AKT2: variants seen among roughly 807,000 people sequenced by gnomAD.
The protein encoded by AKT2 is RAC-beta serine/threonine-protein kinase.
AKT2 carries 16 observed loss-of-function variants against 58.6 expected under a neutral mutation model. That is an observed-to-expected ratio of 0.27 (90% CI 0.18 to 0.41). The LOEUF is 0.41. Ranked by LOEUF, AKT2 falls within the 10% of genes least tolerant of loss-of-function variation. The pLI is 1.00. For synonymous variants in AKT2, 253 were observed against 254.0 expected, an observed-to-expected ratio of 1.00 and a Z score of 0.04; for missense variants, 438 against 661.0, an observed-to-expected ratio of 0.66 and a Z score of 3.70.
chr19:40,259,363 T>C (rs192442006), intron 2 of AKT2, among the ~76,000 whole-genome samples: 4 of 152,278 alleles, frequency 2.6e-5, no homozygotes, highest in East Asian at 3.9e-4. Context: ...CAACTGGATA[T>C]CCACATTCAA....
At chr19:40,246,088 CAA>C (rs34293653) in intron 4 of AKT2, among the ~76,000 whole-genome samples, 24 of 87,088 alleles carry the variant, frequency 2.8e-4, no homozygotes, top group South Asian at 4.3e-4. Context: ...TCCTGTTTTT[CAA>C]AAAAAAAAAA....
At chr19:40,246,969 C>T (rs1344550272) in intron 4 of AKT2, among the ~76,000 whole-genome samples, 1 of 152,244 alleles carries the variant, frequency 6.6e-6, no homozygotes, top group Non-Finnish European at 1.5e-5. Flanking sequence ...AAGACACTCG[C>T]AGGGGCGGGC....
At chr19:40,267,426 C>T (rs1976436507) in intron 1 of AKT2, among the ~76,000 whole-genome samples, 1 of 152,176 alleles carries the variant, frequency 6.6e-6, no homozygotes, top group African/African-American at 2.4e-5. Flanking sequence ...CAAGCCCTTC[C>T]CTCTGGCCTC....
intron 1 of AKT2, among the ~76,000 whole-genome samples, chr19:40,281,261 C>A (rs563155108): frequency 6.6e-6 from 1 of 152,300 alleles, no homozygotes; most frequent in South Asian, 2.1e-4. Flanking sequence ...GAGACTGAGG[C>A]AGGAGGATCA....
intron 1 of AKT2, among the ~76,000 whole-genome samples, chr19:40,273,215 C>A (rs1157599377): frequency 6.6e-6 from 1 of 151,926 alleles, no homozygotes; most frequent in Non-Finnish European, 1.5e-5. Flanking sequence ...GTGGCAGGCA[C>A]CTGTAATTCC....
intron 2 of AKT2, among the ~76,000 whole-genome samples, chr19:40,261,193 C>T (rs941585154): frequency 6.6e-6 from 1 of 152,176 alleles, no homozygotes; most frequent in Non-Finnish European, 1.5e-5. Flanking sequence ...GAGCACCACC[C>T]TCATGAATGG....
At chr19:40,269,232 G>A (rs549960265) in intron 1 of AKT2, 4 of 152,338 alleles carry the variant, frequency 2.6e-5, no homozygotes, top group African/African-American at 7.2e-5. Flanking sequence ...GTCCCTGCAC[G>A]GCCCCACCAC....
intron 1 of AKT2, among the ~76,000 whole-genome samples, chr19:40,270,173 C>T (rs1307204731): frequency 2.6e-5 from 4 of 152,226 alleles, no homozygotes; most frequent in Non-Finnish European, 5.9e-5. Flanking sequence ...GCATGCCCAC[C>T]CTACCTCCCC....
intron 4 of AKT2, among the ~76,000 whole-genome samples, chr19:40,254,085 G>C (rs1042722778): frequency 3.9e-5 from 6 of 151,984 alleles, no homozygotes; most frequent in Non-Finnish European, 8.8e-5. Context: ...TGGATGGAAA[G>C]GGCAGGGTAG....
Position 40,238,132 on chromosome 19 carries a change from C to T in AKT2, c.709-41G>A. 6.4e-7 allele frequency: 1 copy of T among 1,562,848 alleles called. No individual in the cohort carries two copies. Among genetic ancestry groups the T allele is most frequent in the Non-Finnish European group, 8.7e-7 (1 of 1,154,104 alleles). On this transcript the variant is annotated intron_variant, in intron 8 of 13. Coordinates refer to ENST00000392038, the MANE Select transcript of AKT2 (RefSeq NM_001626.6). This position sits in a 1 kb window ranked among gnomAD's most constrained non-coding sequence, Gnocchi z 5.1. Reference sequence around the variant, plus strand: ...GTGGGGAGAGGAGGTCAGGCCCCAGCCCACCCACCTGCCCTCACCTTCCCA... The same window carrying T: ...GTGGGGAGAGGAGGTCAGGCCCCAGTCCACCCACCTGCCCTCACCTTCCCA...
chr19:40,234,040 G>A lies in AKT2; in HGVS notation c.1367-89C>T. ...CTCCCTGGGGAAACGGCCCCAGCTG[G>A]CGGGGGCTGCCCACAGGACAGGACA... is the stretch of plus-strand genomic sequence containing the variant. On this transcript the variant is annotated intron_variant, in intron 13 of 13. Coordinates refer to ENST00000392038, the MANE Select transcript of AKT2 (RefSeq NM_001626.6). The surrounding 1 kb of genome is among the most constrained non-coding windows in gnomAD (Gnocchi z 4.7). 1 of 1,365,976 alleles carries A rather than the reference G, an allele frequency of 7.3e-7. No individual in the cohort carries two copies. The highest frequency in any genetic ancestry group is 1.0e-6 in the Non-Finnish European group (1 of 990,098). 84.6% of individuals were successfully genotyped at this position (1,365,976 alleles called of 1,614,324 possible).
Position 40,242,148 on chromosome 19 carries a change from G to C in AKT2, c.442-79C>G. The C allele has an allele frequency of 6.3e-7, 1 of 1,595,164 alleles. No individual in the cohort carries two copies. The highest frequency in any genetic ancestry group is 8.6e-7 in the Non-Finnish European group (1 of 1,168,216). ...GAGGAAATTTTAACAAAAGAAAGAG[G>C]AAAACCAAAAGACACTGTTGCCAAA... On this transcript the variant is annotated intron_variant, in intron 5 of 13. Coordinates refer to ENST00000392038, the MANE Select transcript of AKT2 (RefSeq NM_001626.6). This position sits in a 1 kb window ranked among gnomAD's most constrained non-coding sequence, Gnocchi z 4.3.
At chr19:40,276,174 T>C (rs1024769786) in intron 1 of AKT2, among the ~76,000 whole-genome samples, 36 of 151,324 alleles carry the variant, frequency 2.4e-4, no homozygotes, top group Non-Finnish European at 4.6e-4. Flanking sequence ...GGCTGGAAGC[T>C]CCCATGCTAT....
At chr19:40,260,386 C>T (rs1057279024) in intron 2 of AKT2, among the ~76,000 whole-genome samples, 1 of 152,064 alleles carries the variant, frequency 6.6e-6, no homozygotes, top group Non-Finnish European at 1.5e-5. Context: ...AATCCCAGCA[C>T]TTTGGGAGGC....
chr19:40,230,492 C>A lies in AKT2; in HGVS notation c.*3380G>T. 1 of 226,968 alleles carries A rather than the reference C, an allele frequency of 4.4e-6. No individual in the cohort carries two copies. The highest frequency in any genetic ancestry group is 8.8e-6 in the Non-Finnish European group (1 of 114,112). 14.1% of individuals were successfully genotyped at this position (226,968 alleles called of 1,614,324 possible). A position where few individuals can be genotyped will look rare whatever the true frequency, so the allele number is the denominator to read the frequency against. ...CAGCTAAAAGGGAATCGCACTGCCG[C>A]CCCCGACTCCACACAACCATCAGTG... On this transcript the variant is annotated 3_prime_UTR_variant, in exon 14 of 14. Transcript: ENST00000392038.
intron 6 of AKT2, 61 bp from the exon 7 acceptor site, chr19:40,240,171 G>A (rs748120577): frequency 6.6e-6 from 10 of 1,524,818 alleles, no homozygotes; most frequent in African/African-American, 1.4e-5. Flanking sequence ...ACTCCGCCCC[G>A]ACGAAGGGGA....
chr19:40,242,362 G>C lies in AKT2; in HGVS notation c.441+172C>G. 4 of 1,100,542 alleles carry C rather than the reference G, an allele frequency of 3.6e-6. No individual in the cohort carries two copies. The highest frequency in any genetic ancestry group is 5.4e-6 in the Non-Finnish European group (4 of 739,498). The allele number at this position is 1,100,542 out of a possible 1,614,324, so 68.2% of individuals were successfully genotyped here. ...CCCAAGGTTGCTCCCTCCCCTACGGGCATGGAGCACACCCTAGGGCACCTG... is the reference window on the plus strand; with the variant it reads ...CCCAAGGTTGCTCCCTCCCCTACGGCCATGGAGCACACCCTAGGGCACCTG... On this transcript the variant is annotated intron_variant, in intron 5 of 13. Coordinates refer to ENST00000392038, the MANE Select transcript of AKT2 (RefSeq NM_001626.6). The surrounding 1 kb of genome is among the most constrained non-coding windows in gnomAD (Gnocchi z 4.3).
chr19:40,278,253 A>G (rs2077361997), intron 1 of AKT2, among the ~76,000 whole-genome samples: 1 of 152,208 alleles, frequency 6.6e-6, no homozygotes, highest in East Asian at 1.9e-4. Context: ...CATCATGCCT[A>G]TTACTGACTT....
intron 6 of AKT2, chr19:40,241,698 C>T (rs996898810): frequency 1.4e-5 from 8 of 581,740 alleles, no homozygotes; most frequent in East Asian, 6.6e-5. Flanking sequence ...GGTGGGGCCC[C>T]GAGGCTCTCT....
Sources: gnomAD v4.1 joint callset for allele counts (sites outside exome capture counted in the v4.1 genomes callset) on GRCh38, gnomAD v4.1.1 for gene constraint, Gnocchi (gnomAD v3.1) non-coding constraint, MANE v1.5 for transcripts, NCBI Gene and HGNC (gene_info 2026-07-23, HGNC 2026-07-21) for gene names.